USP34: variants seen among roughly 807,000 people sequenced by gnomAD.
The protein encoded by USP34 is ubiquitin carboxyl-terminal hydrolase 34.
A neutral mutation model predicts 460.3 loss-of-function variants in USP34; 70 were observed. The observed-to-expected ratio is 0.15, with a 90% CI of 0.13 to 0.19. USP34 has a LOEUF of 0.19. USP34 is among the 10% of genes least tolerant of loss of function. The pLI, the probability that USP34 is intolerant of heterozygous loss-of-function variation, is 1.00. For missense variants in USP34, 3,985 were observed against 4,236.2 expected, an observed-to-expected ratio of 0.94 and a Z score of 1.65; for synonymous variants, 1,647 against 1,405.3, an observed-to-expected ratio of 1.17 and a Z score of -3.85.
chr2:61,388,406 C>G (rs914865449), intron 5 of USP34, among the ~76,000 whole-genome samples: 13 of 148,952 alleles, frequency 8.7e-5, no homozygotes, highest in African/African-American at 3.2e-4. Flanking sequence ...GTTTAACACC[C>G]AAGTTTGAAA....
chr2:61,329,197 T>G (rs1293445369), intron 20 of USP34, among the ~76,000 whole-genome samples: 2 of 152,094 alleles, frequency 1.3e-5, no homozygotes, highest in South Asian at 4.2e-4. Context: ...TTTTTTTTTT[T>G]GTATTTTTAG....
rs539237955 is a variant in USP34 at position 61,433,465 on chromosome 2, C to T, written c.44-12632G>A. Among the ~76,000 whole-genome samples, 108 of 152,246 alleles carry T rather than the reference C, an allele frequency of 7.1e-4. 1 individual carries two copies. Among genetic ancestry groups the T allele is most frequent in the African/African-American group, 2.6e-3 (107 of 41,522 alleles). On this transcript the variant is annotated intron_variant, in intron 1 of 79. Coordinates refer to ENST00000398571, the MANE Select transcript of USP34 (RefSeq NM_014709.4). ...CCTGGCCAAGAAGGTGAAACCCCAT[C>T]TCTACTAAAAATATAAAAATTAGCC... is the stretch of plus-strand genomic sequence containing the variant.
intron 29 of USP34, among the ~76,000 whole-genome samples, chr2:61,299,285 T>C (rs1482626881): frequency 1.3e-5 from 2 of 152,160 alleles, no homozygotes; most frequent in African/African-American, 4.8e-5. Context: ...CAGGGAAAAC[T>C]ATCAAAATAC....
chr2:61,231,529 A>T (rs1687905096), intron 58 of USP34, among the ~76,000 whole-genome samples: 1 of 152,124 alleles, frequency 6.6e-6, no homozygotes, highest in Non-Finnish European at 1.5e-5. Flanking sequence ...CCTAGGCAAC[A>T]GGGGAGAGAC....
chr2:61,466,047 T>G (rs936280160), intron 1 of USP34, among the ~76,000 whole-genome samples: 38 of 151,114 alleles, frequency 2.5e-4, no homozygotes, highest in African/African-American at 8.3e-4. Flanking sequence ...AGGGGAGGGA[T>G]AGGGAGAGAT....
intron 18 of USP34, among the ~76,000 whole-genome samples, chr2:61,334,562 T>G (rs1372096172): frequency 2.0e-5 from 3 of 152,198 alleles, no homozygotes; most frequent in African/African-American, 7.2e-5. Flanking sequence ...AAACTTATTT[T>G]AATCTTAGAA....
intron 12 of USP34, 97 bp downstream of exon 12, chr2:61,350,163 T>A (rs1412008334): frequency 8.3e-6 from 11 of 1,325,028 alleles, no homozygotes; most frequent in Non-Finnish European, 3.1e-6. Context: ...ACACTTATTT[T>A]AAAATAAAGA....
chr2:61,407,658 G>A (rs1454106234), intron 2 of USP34, among the ~76,000 whole-genome samples: 1 of 152,186 alleles, frequency 6.6e-6, no homozygotes, highest in Non-Finnish European at 1.5e-5. Context: ...AGTGGTGGAA[G>A]TGACAATGTG....
intron 23 of USP34, among the ~76,000 whole-genome samples, chr2:61,316,293 A>C (rs1206937372): frequency 1.3e-5 from 2 of 151,954 alleles, no homozygotes; most frequent in Non-Finnish European, 2.9e-5. Flanking sequence ...GATACAATTA[A>C]AATTATTCTG....
At chr2:61,444,951 A>G (rs565206268) in intron 1 of USP34, among the ~76,000 whole-genome samples, 1 of 150,944 alleles carries the variant, frequency 6.6e-6, no homozygotes, top group Admixed American at 6.6e-5. Flanking sequence ...GCAAGTGAGG[A>G]AAAAACTTAT....
chr2:61,254,933 C>G (rs1688686036), intron 48 of USP34, among the ~76,000 whole-genome samples: 1 of 152,094 alleles, frequency 6.6e-6, no homozygotes, highest in African/African-American at 2.4e-5. Context: ...CTGTAAGCTA[C>G]CTCCCAGCCT....
In USP34 at chr2:61,453,259, A is replaced by G. The variant is rs542415094; in HGVS notation, c.43+17391T>C. Among the ~76,000 whole-genome samples the G allele has an allele frequency of 8.5e-5, 13 of 152,102 alleles. No individual in the cohort carries two copies. In the South Asian group the frequency reaches 1.7e-3, roughly 19 times the overall value. On this transcript the variant is annotated intron_variant, in intron 1 of 79. Transcript: ENST00000398571. ...AACCCCATCTGTACTAAAAATACCA[A>G]AAACATTAGCCAAGTGTGGTGGCCT...
rs1694721966 is a variant in USP34 at position 61,433,064 on chromosome 2, A to G, written c.44-12231T>C. On this transcript the variant is annotated intron_variant, in intron 1 of 79. Transcript: ENST00000398571. ...ACTAAAGACACCTAGCATTCATCCT[A>G]CACACAAGAAAGGACAAAGGTTAAC... is the stretch of plus-strand genomic sequence containing the variant. 2.0e-5 allele frequency among the ~76,000 whole-genome samples: 3 copies of G among 152,248 alleles called. No homozygotes were observed. The South Asian group carries it at 6.2e-4, about 31-fold the overall frequency.
intron 2 of USP34, among the ~76,000 whole-genome samples, chr2:61,409,346 T>C (rs376232143): frequency 5.9e-5 from 9 of 152,114 alleles, no homozygotes; most frequent in African/African-American, 1.4e-4. Context: ...AAATGGAATC[T>C]GAAAACCCAG....
Position 61,263,718 on chromosome 2 carries a change from G to A in USP34, c.5778+1679C>T, listed in dbSNP as rs540308268. Among the ~76,000 whole-genome samples, 14 of 151,882 alleles carry A rather than the reference G, an allele frequency of 9.2e-5. No individual in the cohort carries two copies. The South Asian group carries it at 1.0e-3, about 11-fold the overall frequency. On this transcript the variant is annotated intron_variant, in intron 43 of 79. Coordinates refer to ENST00000398571, the MANE Select transcript of USP34 (RefSeq NM_014709.4). ...AGCATGGTCTTGATCTCCTAACCTCGTGATCCACCGACCTCTGCCTCCCAA... is the reference window on the plus strand; with the variant it reads ...AGCATGGTCTTGATCTCCTAACCTCATGATCCACCGACCTCTGCCTCCCAA...
chr2:61,413,725 C>T (rs1473145931), intron 2 of USP34, among the ~76,000 whole-genome samples: 1 of 144,426 alleles, frequency 6.9e-6, no homozygotes, highest in Non-Finnish European at 1.5e-5. Flanking sequence ...CGCCTGTAAT[C>T]CTAGCACTTT....
At chr2:61,215,338 TAAAG>T (rs1434820413) in intron 67 of USP34, among the ~76,000 whole-genome samples, 1 of 152,114 alleles carries the variant, frequency 6.6e-6, no homozygotes, top group African/African-American at 2.4e-5. Flanking sequence ...ATTTAAGTTA[TAAAG>T]AAAGAATGAG....
chr2:61,231,532 G>C (rs994419082), intron 58 of USP34, among the ~76,000 whole-genome samples: 1 of 151,970 alleles, frequency 6.6e-6, no homozygotes, highest in African/African-American at 2.4e-5. Flanking sequence ...AGGCAACAGG[G>C]GAGAGACACT....
chr2:61,194,289 T>G (rs1288077728), intron 75 of USP34: 1 of 985,300 alleles, frequency 1.0e-6, no homozygotes, highest in South Asian at 4.7e-5. Context: ...TGGTTGGTGT[T>G]TGGCAGCATA....
Sources: allele counts gnomAD v4.1 joint callset (sites outside exome capture counted in the v4.1 genomes callset), GRCh38; gene constraint gnomAD v4.1.1; transcripts MANE v1.5; gene names NCBI Gene and HGNC (gene_info 2026-07-23, HGNC 2026-07-21).